Variants in ACOXL observed in about 807,000 individuals in gnomAD.
ACOXL encodes the protein acyl-CoA oxidase like, also known as acyl-coenzyme A oxidase-like protein.
Under a neutral mutation model 71.9 loss-of-function variants are expected in ACOXL, and 70 were observed. The observed-to-expected ratio is 0.97, with a 90% CI of 0.80 to 1.19. ACOXL has a LOEUF of 1.19. Among genes scored for constraint, ACOXL ranks in the 50% most tolerant of loss-of-function variants. The probability of loss-of-function intolerance (pLI) is 0.00; values close to 1 mark genes in which losing one functional copy is unlikely to be tolerated. For missense variants in ACOXL, 703 were observed against 736.3 expected (o/e 0.95, Z 0.52); for synonymous variants, 253 against 281.6 (o/e 0.90, Z 1.02).
At chr2:111,020,316 G>T (rs1021781519) in intron 14 of ACOXL, among the ~76,000 whole-genome samples, 6 of 152,148 alleles carry the variant, frequency 3.9e-5, no homozygotes, top group African/African-American at 1.4e-4. Flanking sequence ...TCAGAGCAGC[G>T]CTCGCATGGC....
chr2:110,770,724 A>T (rs1346592351), intron 2 of ACOXL, among the ~76,000 whole-genome samples: 2 of 152,244 alleles, frequency 1.3e-5, no homozygotes, highest in Non-Finnish European at 2.9e-5. Flanking sequence ...TCTCTCTGTC[A>T]GAGTCGCCTC....
At chr2:110,893,415 T>G (rs537520494) in intron 10 of ACOXL, among the ~76,000 whole-genome samples, 3 of 152,290 alleles carry the variant, frequency 2.0e-5, no homozygotes, top group South Asian at 2.1e-4. Context: ...AATATTTTAC[T>G]TTGTTGAATT....
chr2:110,966,451 T>C (rs3789105), intron 12 of ACOXL, among the ~76,000 whole-genome samples: 74,413 of 152,032 alleles, frequency 0.49, 18,412 homozygotes, highest in Middle Eastern at 0.6. Context: ...CTCCCCACCC[T>C]TGGTGTCTGT....
chr2:110,862,924 C>T (rs1184495851), intron 10 of ACOXL, among the ~76,000 whole-genome samples: 1 of 152,222 alleles, frequency 6.6e-6, no homozygotes, highest in Admixed American at 6.5e-5. Flanking sequence ...GGCCCCGCAG[C>T]AGCTACCACC....
At chr2:111,083,032 C>T (rs767333846) in intron 16 of ACOXL, among the ~76,000 whole-genome samples, 5 of 151,340 alleles carry the variant, frequency 3.3e-5, no homozygotes, top group Non-Finnish European at 7.4e-5. Context: ...TGGGGCCTGT[C>T]AGGGGGTTGG....
At chr2:110,916,632 GA>G (rs561263555) in intron 11 of ACOXL, among the ~76,000 whole-genome samples, 2 of 151,994 alleles carry the variant, frequency 1.3e-5, no homozygotes, top group South Asian at 4.2e-4. Flanking sequence ...CTGGTTTTTT[GA>G]AAAAATTAAC....
At chr2:111,034,494 G>A (rs2065419550) in intron 15 of ACOXL, among the ~76,000 whole-genome samples, 1 of 152,154 alleles carries the variant, frequency 6.6e-6, no homozygotes, top group African/African-American at 2.4e-5. Context: ...CCTTTTATTG[G>A]TTCATAACCA....
intron 14 of ACOXL, among the ~76,000 whole-genome samples, chr2:111,010,376 G>C (rs2064091215): frequency 2.0e-5 from 3 of 152,052 alleles, no homozygotes. Flanking sequence ...AAAAGTGTCA[G>C]TGAACCTGAT....
At chr2:111,068,526 G>A (rs2067182308) in intron 16 of ACOXL, among the ~76,000 whole-genome samples, 1 of 152,194 alleles carries the variant, frequency 6.6e-6, no homozygotes, top group African/African-American at 2.4e-5. Flanking sequence ...GAAGTGGCTG[G>A]TTTTTAGATG....
At chr2:110,826,391 G>GA (rs1337039907) in intron 9 of ACOXL, among the ~76,000 whole-genome samples, 3 of 152,166 alleles carry the variant, frequency 2.0e-5, no homozygotes, top group Non-Finnish European at 2.9e-5. Flanking sequence ...CATGTTCTCT[G>GA]AACCTTTGTC....
chr2:110,782,116 A>T (rs544258156), intron 2 of ACOXL, among the ~76,000 whole-genome samples: 2 of 152,266 alleles, frequency 1.3e-5, no homozygotes, highest in East Asian at 1.9e-4. Flanking sequence ...AATCACTACA[A>T]ACTTACATGC....
At chr2:110,765,145 C>G (rs890650762) in intron 1 of ACOXL, among the ~76,000 whole-genome samples, 2 of 152,152 alleles carry the variant, frequency 1.3e-5, no homozygotes. Context: ...GAGAAATCTG[C>G]TGTCATTCCA....
At chr2:110,899,944 G>T (rs1331470237) in intron 10 of ACOXL, among the ~76,000 whole-genome samples, 4 of 152,086 alleles carry the variant, frequency 2.6e-5, no homozygotes, top group Non-Finnish European at 4.4e-5. Context: ...GTGCTAGGAG[G>T]CCCTGTCCAC....
At chr2:110,833,042 A>G (rs1690035196) in intron 9 of ACOXL, among the ~76,000 whole-genome samples, 1 of 152,260 alleles carries the variant, frequency 6.6e-6, no homozygotes, top group Non-Finnish European at 1.5e-5. Flanking sequence ...CAACTGCCAT[A>G]TAACTGAGCA....
intron 14 of ACOXL, among the ~76,000 whole-genome samples, chr2:111,013,757 T>C (rs1364478168): frequency 6.6e-6 from 1 of 152,156 alleles, no homozygotes; most frequent in Non-Finnish European, 1.5e-5. Flanking sequence ...GACAAAATAG[T>C]ATCAGTCTTA....
intron 11 of ACOXL, among the ~76,000 whole-genome samples, chr2:110,926,898 C>T (rs1033101070): frequency 9.8e-5 from 15 of 152,290 alleles, no homozygotes; most frequent in African/African-American, 3.6e-4. Flanking sequence ...ATCTAAATTC[C>T]TACTTGCCAG....
chr2:110,913,130 T>C (rs2059705848), intron 11 of ACOXL, among the ~76,000 whole-genome samples: 1 of 152,168 alleles, frequency 6.6e-6, no homozygotes, highest in South Asian at 2.1e-4. Context: ...TGTGGTGAAA[T>C]AGAAACCTCA....
At chr2:111,057,709 C>T (rs2066615815) in intron 16 of ACOXL, among the ~76,000 whole-genome samples, 1 of 152,202 alleles carries the variant, frequency 6.6e-6, no homozygotes, top group Non-Finnish European at 1.5e-5. Flanking sequence ...GAGAAATGGG[C>T]CAATGTCTTT....
chr2:110,759,898 A>G (rs566872896), intron 1 of ACOXL, among the ~76,000 whole-genome samples: 1 of 152,146 alleles, frequency 6.6e-6, no homozygotes, highest in African/African-American at 2.4e-5. Flanking sequence ...AAGCTTTTTC[A>G]TCTAGGTTCT....
Sources: allele counts gnomAD v4.1 joint callset (sites outside exome capture counted in the v4.1 genomes callset), GRCh38; gene constraint gnomAD v4.1.1; transcripts MANE v1.5; gene names NCBI Gene and HGNC (gene_info 2026-07-23, HGNC 2026-07-21).